The following COL25A1 variants were observed in gnomAD, a reference collection of about 807,000 sequenced individuals.
COL25A1 encodes the protein collagen alpha-1(XXV) chain.
A neutral mutation model predicts 128.4 loss-of-function variants in COL25A1; 103 were observed. The ratio of observed to expected loss-of-function variants is 0.80; its 90% CI spans 0.68 to 0.94. The LOEUF (loss-of-function observed/expected upper bound fraction) is 0.94, where lower values mean the gene tolerates loss of function less well. Ranked by LOEUF, COL25A1 falls within the 40% of genes least tolerant of loss-of-function variation. The probability of loss-of-function intolerance (pLI) is 0.00; values close to 1 mark genes in which losing one functional copy is unlikely to be tolerated. For synonymous variants in COL25A1, 279 were observed against 277.2 expected (o/e 1.01, Z -0.06); for missense variants, 745 against 840.0 (o/e 0.89, Z 1.40).
chr4:109,176,531 C>T (rs537143119), intron 3 of COL25A1, among the ~76,000 whole-genome samples: 32 of 152,090 alleles, frequency 2.1e-4, no homozygotes, highest in African/African-American at 7.2e-4. Context: ...AAAGTGAAAA[C>T]GAGAAAGTTC....
intron 3 of COL25A1, among the ~76,000 whole-genome samples, chr4:109,106,906 T>C (rs1766488100): frequency 1.3e-5 from 2 of 152,122 alleles, no homozygotes; most frequent in South Asian, 4.1e-4. Context: ...TAGCTGGGAC[T>C]ACAGGCGCAG....
rs561432255 is a variant in COL25A1 at position 108,890,756 on chromosome 4, C to T, written c.907-1023G>A. On this transcript the variant is annotated intron_variant, in intron 16 of 37. Transcript: ENST00000399132. ...CTCAAGGAGCTCCGGGGGCCCATTT[C>T]CTTGTTCTAGATTCCAGAAGCTGCT... is the stretch of plus-strand genomic sequence containing the variant. 2.0e-5 allele frequency among the ~76,000 whole-genome samples: 3 copies of T among 152,302 alleles called. No homozygotes were observed. The South Asian group carries it at 6.2e-4, about 32-fold the overall frequency.
In COL25A1 at chr4:109,206,474, T is replaced by C. The variant is rs112828892; in HGVS notation, c.367+94109A>G. Among the ~76,000 whole-genome samples the C allele has an allele frequency of 1.3e-3, 201 of 152,294 alleles. 2 individuals are homozygous for C. Among genetic ancestry groups the C allele is most frequent in the African/African-American group, 4.5e-3 (186 of 41,570 alleles). On this transcript the variant is annotated intron_variant, in intron 3 of 37. Transcript: ENST00000399132. ...TTAAATCCAAGAAGGTATAATTCTTTATAATGTTTTCCAGGGATTTGCTGA... is the reference window on the plus strand; with the variant it reads ...TTAAATCCAAGAAGGTATAATTCTTCATAATGTTTTCCAGGGATTTGCTGA...
At chr4:109,256,360 A>G (rs990245541) in intron 3 of COL25A1, among the ~76,000 whole-genome samples, 18 of 152,138 alleles carry the variant, frequency 1.2e-4, no homozygotes, top group African/African-American at 4.3e-4. Context: ...CCTTTAAGGC[A>G]TCTTCTCAAA....
intron 5 of COL25A1, among the ~76,000 whole-genome samples, chr4:109,039,934 T>C (rs1471604469): frequency 1.3e-5 from 2 of 152,158 alleles, no homozygotes; most frequent in African/African-American, 4.8e-5. Flanking sequence ...ACTAGAGATA[T>C]GTGTGCGTAT....
At chr4:109,124,506 T>A (rs974122362) in intron 3 of COL25A1, among the ~76,000 whole-genome samples, 5 of 152,002 alleles carry the variant, frequency 3.3e-5, no homozygotes, top group Admixed American at 3.3e-4. Context: ...GAATGTCACA[T>A]AAAAAACATC....
rs78834086 is a variant in COL25A1 at position 108,883,967 on chromosome 4, T to C, written c.1020+211A>G. Among the ~76,000 whole-genome samples, 461 of 152,302 alleles carry C rather than the reference T, an allele frequency of 3.0e-3. 2 individuals carry two copies. Among genetic ancestry groups the C allele is most frequent in the Non-Finnish European group, 5.7e-3 (386 of 68,020 alleles). ...ATTTAAGGGGCAGTAGTAAGTTAAA[T>C]GGAGAAATAAACAATCCATATTGCC... On this transcript the variant is annotated intron_variant, in intron 19 of 37. Coordinates refer to ENST00000399132, the MANE Select transcript of COL25A1 (RefSeq NM_198721.4).
At chr4:109,101,569 C>G (rs376966050) in intron 3 of COL25A1, among the ~76,000 whole-genome samples, 5 of 152,192 alleles carry the variant, frequency 3.3e-5, no homozygotes, top group African/African-American at 1.2e-4. Context: ...CTCAGTATCA[C>G]TACTCTGTTT....
chr4:109,054,055 G>T (rs185927620), intron 3 of COL25A1, among the ~76,000 whole-genome samples: 9 of 152,312 alleles, frequency 5.9e-5, no homozygotes, highest in Admixed American at 2.6e-4. Flanking sequence ...CTGAATGGAG[G>T]AGGTAATTAA....
chr4:108,828,492 T>A (rs1359548257), intron 32 of COL25A1, among the ~76,000 whole-genome samples: 1 of 152,196 alleles, frequency 6.6e-6, no homozygotes, highest in African/African-American at 2.4e-5. Context: ...GGTAGGTATA[T>A]GTTATCTTCC....
At chr4:108,846,015 A>G (rs1418716101) in intron 28 of COL25A1, 124 bp downstream of exon 28, 1 of 624,258 alleles carries the variant, frequency 1.6e-6, no homozygotes. Context: ...ATTTCAAAAT[A>G]AAAATATGAG....
chr4:109,055,537 T>C (rs1761377799), intron 3 of COL25A1, among the ~76,000 whole-genome samples: 1 of 152,172 alleles, frequency 6.6e-6, no homozygotes, highest in South Asian at 2.1e-4. Flanking sequence ...TGAATTCACA[T>C]TCCACAGACA....
At chr4:109,088,068 T>C (rs563681231) in intron 3 of COL25A1, among the ~76,000 whole-genome samples, 1 of 150,390 alleles carries the variant, frequency 6.6e-6, no homozygotes, top group Non-Finnish European at 1.5e-5. Context: ...ATATATATAT[T>C]AAAACCTGAA....
chr4:109,112,520 T>A (rs560538512), intron 3 of COL25A1, among the ~76,000 whole-genome samples: 218 of 152,112 alleles, frequency 1.4e-3, no homozygotes, highest in African/African-American at 4.8e-3. Context: ...AAACAGTGTT[T>A]CTATTCTGCC....
chr4:109,220,333 C>T (rs1778322217), intron 3 of COL25A1, among the ~76,000 whole-genome samples: 1 of 152,184 alleles, frequency 6.6e-6, no homozygotes, highest in Non-Finnish European at 1.5e-5. Context: ...ATCCATTTCG[C>T]TTCAGGTACT....
chr4:108,859,506 G>A (rs1328529155), intron 24 of COL25A1, 150 bp downstream of exon 24: 1 of 544,908 alleles, frequency 1.8e-6, no homozygotes, highest in Non-Finnish European at 3.3e-6. Context: ...ACAGAGAAGG[G>A]GATGAGTTCT....
chr4:109,286,696 A>G (rs1024097844), intron 3 of COL25A1, among the ~76,000 whole-genome samples: 5 of 152,156 alleles, frequency 3.3e-5, no homozygotes, highest in Admixed American at 2.6e-4. Context: ...TAAGCATCCT[A>G]TGACGCACAG....
chr4:108,855,111 A>C (rs1736319454), intron 24 of COL25A1, among the ~76,000 whole-genome samples: 1 of 151,944 alleles, frequency 6.6e-6, no homozygotes, highest in African/African-American at 2.4e-5. Flanking sequence ...AATTACATTC[A>C]AACTTGTAGG....
At chr4:108,890,440 G>A (rs1266835960) in intron 16 of COL25A1, among the ~76,000 whole-genome samples, 4 of 152,194 alleles carry the variant, frequency 2.6e-5, no homozygotes, top group Non-Finnish European at 5.9e-5. Context: ...AAGGCACTGT[G>A]TTCCAGCCAG....
Sources: allele counts gnomAD v4.1 joint callset (sites outside exome capture counted in the v4.1 genomes callset), GRCh38; gene constraint gnomAD v4.1.1; transcripts MANE v1.5; gene names NCBI Gene and HGNC (gene_info 2026-07-23, HGNC 2026-07-21).